The following SMARCA2 variants were observed in gnomAD, a reference collection of about 807,000 sequenced individuals.
SMARCA2 encodes the protein SWI/SNF related BAF chromatin remodeling complex subunit ATPase 2, also known as SWI/SNF-related matrix-associated actin-dependent regulator of chromatin subfamily A member 2.
SMARCA2 carries 61 observed loss-of-function variants against 199.8 expected under a neutral mutation model. The ratio of observed to expected loss-of-function variants is 0.31; its 90% CI spans 0.25 to 0.38. The LOEUF (loss-of-function observed/expected upper bound fraction) is 0.38. Ranked by LOEUF, SMARCA2 falls within the 10% of genes least tolerant of loss-of-function variation. SMARCA2 has a pLI of 1.00. For synonymous variants in SMARCA2, 935 were observed against 732.0 expected (o/e 1.28, Z -4.48); for missense variants, 1,344 against 2,012.2 (o/e 0.67, Z 6.35).
chr9:2,027,358 C>T (rs1435251051), intron 1 of SMARCA2, among the ~76,000 whole-genome samples: 1 of 152,150 alleles, frequency 6.6e-6, no homozygotes, highest in Non-Finnish European at 1.5e-5. Flanking sequence ...GGGAGGATCA[C>T]TTGAGCCTAG....
At chr9:2,140,486 A>G (rs1402358620) in intron 27 of SMARCA2, among the ~76,000 whole-genome samples, 1 of 152,174 alleles carries the variant, frequency 6.6e-6, no homozygotes, top group Non-Finnish European at 1.5e-5. Context: ...CCACCATTGT[A>G]TCTGATGATT....
At chr9:2,159,737 T>C in intron 27 of SMARCA2, 3 of 1,529,632 alleles carry the variant, frequency 2.0e-6, no homozygotes, top group Non-Finnish European at 2.6e-6. Context: ...CCTTTCAGTA[T>C]TAAATTTTCA....
chr9:2,170,561 A>G lies in SMARCA2; in HGVS notation c.4253+89A>G. 1 of 1,604,050 alleles carries G rather than the reference A, an allele frequency of 6.2e-7. No individual in the cohort carries two copies. Among genetic ancestry groups the G allele is most frequent in the Non-Finnish European group, 8.5e-7 (1 of 1,173,778 alleles). On this transcript the variant is annotated intron_variant, in intron 29 of 33. Transcript: ENST00000349721. This position sits in a 1 kb window ranked among gnomAD's most constrained non-coding sequence, Gnocchi z 4.7. Reference sequence around the variant, plus strand: ...TTGAATCATATAATCGGCCTTTGGAAGCAAATTTCTTCGGTCACCTCCTGA... The same window carrying G: ...TTGAATCATATAATCGGCCTTTGGAGGCAAATTTCTTCGGTCACCTCCTGA...
chr9:2,043,161 C>T (rs1327716062), intron 4 of SMARCA2: 1 of 152,122 alleles, frequency 6.6e-6, no homozygotes, highest in South Asian at 2.1e-4. Flanking sequence ...GTTGTGTTCC[C>T]ATTTTGCTTC....
chr9:2,175,390 G>T (rs1826513544), intron 29 of SMARCA2, among the ~76,000 whole-genome samples: 1 of 146,590 alleles, frequency 6.8e-6, no homozygotes, highest in African/African-American at 2.6e-5. Context: ...AGTAATAAAT[G>T]CAATGGGAGA....
rs1453922243 is a variant in SMARCA2, at chr9:2,123,966, A to G, written c.3981+29A>G. On this transcript the variant is annotated intron_variant, in intron 27 of 33. Coordinates refer to ENST00000349721, the MANE Select transcript of SMARCA2 (RefSeq NM_003070.5). The surrounding 1 kb of genome is among the most constrained non-coding windows in gnomAD (Gnocchi z 4.1). The stretch of plus-strand genomic sequence containing the variant: ...AGCCTAGCTTTTCTAACCCGCTCTC[A>G]CTAGGTGGAGGGTTTTTGGTGGCTT... 6.5e-7 allele frequency: 1 copy of G among 1,530,442 alleles called. No homozygotes were observed. The highest frequency in any genetic ancestry group is 2.4e-5 in the East Asian group (1 of 40,900). The allele number at this position is 1,530,442 out of a possible 1,614,324, so 94.8% of individuals were successfully genotyped here.
Position 2,056,587 on chromosome 9 carries a change from C to G in SMARCA2, c.1174-85C>G. 1.6e-6 allele frequency: 2 copies of G among 1,246,562 alleles called. No individual in the cohort carries two copies. Among genetic ancestry groups the G allele is most frequent in the Non-Finnish European group, 2.2e-6 (2 of 903,236 alleles). 77.2% of individuals were successfully genotyped at this position (1,246,562 alleles called of 1,614,324 possible). On this transcript the variant is annotated intron_variant, in intron 6 of 33. Transcript: ENST00000349721. This position sits in a 1 kb window ranked among gnomAD's most constrained non-coding sequence, Gnocchi z 4.0. The stretch of plus-strand genomic sequence containing the variant: ...TGGAGATTCCCCGCCCCACTCTATT[C>G]CATTAAATGCAACCGCGAGAAGGCC...
rs1407686305 is a variant in SMARCA2 at position 2,115,245 on chromosome 9, C to CA, written c.3457-575dup. On this transcript the variant is annotated intron_variant, in intron 24 of 33. Transcript: ENST00000349721. This position sits in a 1 kb window ranked among gnomAD's most constrained non-coding sequence, Gnocchi z 6.0. ...CCCAAAAGTTTACCAGTTGACTACC[C>CA]AACTAGCAATCCTTTTGATTTCCCA... is the stretch of plus-strand genomic sequence containing the variant. Among the ~76,000 whole-genome samples, 8 of 152,136 alleles carry CA rather than the reference C, an allele frequency of 5.3e-5. No homozygotes were observed. The highest frequency in any genetic ancestry group is 1.2e-4 in the Non-Finnish European group (8 of 68,020).
intron 24 of SMARCA2, among the ~76,000 whole-genome samples, chr9:2,111,545 G>A (rs1359991075): frequency 6.6e-6 from 1 of 151,532 alleles, no homozygotes; most frequent in Admixed American, 6.6e-5. Flanking sequence ...TCTCACGTAG[G>A]AGTATGAATT....
intron 23 of SMARCA2, among the ~76,000 whole-genome samples, chr9:2,105,888 A>G (rs972113089): frequency 2.6e-5 from 4 of 152,154 alleles, no homozygotes; most frequent in African/African-American, 9.7e-5. Context: ...CAGGTCTCTG[A>G]CGACTGCTTC....
intron 27 of SMARCA2, among the ~76,000 whole-genome samples, chr9:2,130,243 A>G (rs1199250824): frequency 6.6e-6 from 1 of 152,226 alleles, no homozygotes; most frequent in Non-Finnish European, 1.5e-5. Flanking sequence ...TCCATGGAAG[A>G]AGGCTCTCCT....
rs370323344 is a variant in SMARCA2, at chr9:2,132,610, T to A, written c.3981+8673T>A. Among the ~76,000 whole-genome samples, 70 of 152,370 alleles carry A rather than the reference T, an allele frequency of 4.6e-4. 1 individual carries two copies. In the East Asian group the frequency reaches 0.012, roughly 27 times the overall value. ...TTTTTTCTTTTATCAAATGGCATTT[T>A]AACTTTTAAAATTGGGTCATCAGAT... On this transcript the variant is annotated intron_variant, in intron 27 of 33. Coordinates refer to ENST00000349721, the MANE Select transcript of SMARCA2 (RefSeq NM_003070.5).
intron 28 of SMARCA2, among the ~76,000 whole-genome samples, chr9:2,164,735 A>C (rs1177364501): frequency 6.6e-6 from 1 of 152,192 alleles, no homozygotes; most frequent in Non-Finnish European, 1.5e-5. Context: ...GGGTATTTGA[A>C]TATTTCAGCA....
chr9:2,146,851 A>G (rs1050873911), intron 27 of SMARCA2, among the ~76,000 whole-genome samples: 5 of 152,050 alleles, frequency 3.3e-5, no homozygotes, highest in African/African-American at 2.4e-5. Context: ...TCTCATCACC[A>G]TCTTGGTTTT....
chr9:2,055,473 C>T (rs1028645071), intron 6 of SMARCA2: 2 of 152,172 alleles, frequency 1.3e-5, no homozygotes, highest in Admixed American at 1.3e-4. Flanking sequence ...GGATAAGGAA[C>T]GTTTCATTGT....
intron 2 of SMARCA2, among the ~76,000 whole-genome samples, chr9:2,029,541 A>T (rs1282480450): frequency 6.6e-6 from 1 of 152,238 alleles, no homozygotes; most frequent in East Asian, 1.9e-4. Flanking sequence ...TTGGTGAATT[A>T]GTACATTAGT....
chr9:2,073,804 G>C (rs528705408), intron 12 of SMARCA2, among the ~76,000 whole-genome samples, 181 bp downstream of exon 12: 1 of 152,210 alleles, frequency 6.6e-6, no homozygotes, highest in African/African-American at 2.4e-5. Flanking sequence ...TAGTGGTACA[G>C]TGATCTCTTG....
chr9:2,069,665 GA>G (rs1186640417), intron 9 of SMARCA2, among the ~76,000 whole-genome samples: 1 of 152,036 alleles, frequency 6.6e-6, no homozygotes, highest in African/African-American at 2.4e-5. Flanking sequence ...TGTTATGAAA[GA>G]AATTTAGGTG....
At chr9:2,102,299 C>G (rs1420857923) in intron 22 of SMARCA2, among the ~76,000 whole-genome samples, 2 of 152,162 alleles carry the variant, frequency 1.3e-5, no homozygotes, top group Admixed American at 1.3e-4. Context: ...GCTTTCCCTA[C>G]CTCTCCTTGC....
Sources: gnomAD v4.1 joint callset for allele counts (sites outside exome capture counted in the v4.1 genomes callset) on GRCh38, gnomAD v4.1.1 for gene constraint, Gnocchi (gnomAD v3.1) non-coding constraint, MANE v1.5 for transcripts, NCBI Gene and HGNC (gene_info 2026-07-23, HGNC 2026-07-21) for gene names.